LIMS4: variants seen among roughly 807,000 people sequenced by gnomAD.
LIMS4 encodes LIM and senescent cell antigen-like-containing domain protein 4.
the LIMS4 span, among the ~76,000 whole-genome samples, chr2:110,407,754 C>A: frequency 1.3e-5 from 1 of 78,748 alleles, no homozygotes; most frequent in Non-Finnish European, 2.4e-5. Context: ...GCCCAGGCAA[C>A]AAAGCAAGAC....
At chr2:110,372,753 G>A in the LIMS4 span, among the ~76,000 whole-genome samples, 324 of 148,860 alleles carry the variant, frequency 2.2e-3, 3 homozygotes, top group African/African-American at 8.1e-3. Context: ...TGAGCCACCT[G>A]CTTCTGCCTC....
chr2:110,366,943 AG>A, the LIMS4 span, among the ~76,000 whole-genome samples: 41 of 139,526 alleles, frequency 2.9e-4, no homozygotes, highest in Non-Finnish European at 5.5e-4. Context: ...AATTCACAAT[AG>A]ACACACACAC....
the LIMS4 span, among the ~76,000 whole-genome samples, chr2:110,397,785 A>C: frequency 3.9e-4 from 1 of 2,596 alleles, no homozygotes; most frequent in Non-Finnish European, 1.1e-3. Flanking sequence ...CAGTGGCAGG[A>C]CCTTAGTGAT....
chr2:110,361,803 C>G, the LIMS4 span: 1 of 779,996 alleles, frequency 1.3e-6, no homozygotes, highest in Admixed American at 2.0e-5. Flanking sequence ...ATTTTTGATT[C>G]TCCTATCTTG....
At chr2:110,392,473 T>G in the LIMS4 span, among the ~76,000 whole-genome samples, 1 of 150,048 alleles carries the variant, frequency 6.7e-6, no homozygotes, top group Admixed American at 6.6e-5. Flanking sequence ...AAACTTGCAG[T>G]AAAGTAAGTT....
chr2:110,396,071 G>A, the LIMS4 span, among the ~76,000 whole-genome samples: 2 of 130,238 alleles, frequency 1.5e-5, no homozygotes, highest in African/African-American at 3.4e-5. Context: ...GGTAAGGCAG[G>A]GCTGATGGGT....
At chr2:110,390,747 C>T in the LIMS4 span, among the ~76,000 whole-genome samples, 2 of 150,114 alleles carry the variant, frequency 1.3e-5, no homozygotes, top group East Asian at 2.0e-4. Flanking sequence ...GTCTTGATAC[C>T]CAAAGCACTT....
downstream of LIMS4, among the ~76,000 whole-genome samples, chr2:110,443,053 TTTTTC>T (rs1688169590): frequency 8.2e-6 from 1 of 121,784 alleles, no homozygotes. Flanking sequence ...GATGCTTTTT[TTTTTC>T]TTTTTCTTTT....
the LIMS4 span, among the ~76,000 whole-genome samples, chr2:110,378,795 A>G: frequency 0.014 from 1,628 of 113,724 alleles, 6 homozygotes; most frequent in East Asian, 0.019. Context: ...CAACTCATTC[A>G]GCTCAAATTC....
the LIMS4 span, among the ~76,000 whole-genome samples, chr2:110,390,355 G>T: frequency 7.5e-6 from 1 of 133,648 alleles, no homozygotes; most frequent in Non-Finnish European, 1.5e-5. Flanking sequence ...CCACCTCCCT[G>T]GATGTGGTGA....
At chr2:110,361,048 G>A in the LIMS4 span, 3 of 1,289,238 alleles carry the variant, frequency 2.3e-6, no homozygotes, top group South Asian at 3.7e-5. Flanking sequence ...TGGGAGGCCT[G>A]AACTCCAGAA....
At chr2:110,382,079 A>T in the LIMS4 span, among the ~76,000 whole-genome samples, 1 of 91,868 alleles carries the variant, frequency 1.1e-5, no homozygotes, top group Non-Finnish European at 2.0e-5. Context: ...AAAAAAAAAA[A>T]AAAAAAAAAA....
At chr2:110,385,465 A>G in the LIMS4 span, among the ~76,000 whole-genome samples, 1 of 130,950 alleles carries the variant, frequency 7.6e-6, no homozygotes, top group African/African-American at 3.5e-5. Flanking sequence ...ACGCAGAGGA[A>G]AGCAGCCTCT....
chr2:110,425,804 C>CA, the LIMS4 span, among the ~76,000 whole-genome samples: 9 of 137,612 alleles, frequency 6.5e-5, no homozygotes, highest in Admixed American at 6.4e-4. Flanking sequence ...AATTTGCTGA[C>CA]ACCTTTATTC....
the LIMS4 span, among the ~76,000 whole-genome samples, chr2:110,382,090 A>T: frequency 2.3e-3 from 225 of 98,920 alleles, no homozygotes; most frequent in Non-Finnish European, 3.4e-3. Flanking sequence ...AAAAAAAAAA[A>T]AAAAAAAAAT....
At chr2:110,453,540 AT>A (rs1461682865) in intron 5 of LIMS4, among the ~76,000 whole-genome samples, 119 of 122,344 alleles carry the variant, frequency 9.7e-4, no homozygotes, top group African/African-American at 4.1e-3. Flanking sequence ...AGTAAAGAAT[AT>A]TTTTTTAATT....
chr2:110,397,434 C>G, the LIMS4 span: 2 of 144,540 alleles, frequency 1.4e-5, no homozygotes, highest in Non-Finnish European at 3.0e-5. Flanking sequence ...TACACCATGG[C>G]CAGAAAGACA....
the LIMS4 span, among the ~76,000 whole-genome samples, chr2:110,392,063 TG>T: frequency 2.0e-5 from 3 of 151,940 alleles, no homozygotes; most frequent in South Asian, 6.2e-4. Flanking sequence ...CACAGCACAT[TG>T]ACTTTGCGAA....
the LIMS4 span, among the ~76,000 whole-genome samples, chr2:110,371,253 A>C: frequency 2.3e-5 from 3 of 127,926 alleles, no homozygotes; most frequent in South Asian, 4.8e-4. Context: ...AAAAAAAAAA[A>C]AACAAGTCTT....
Sources: allele counts gnomAD v4.1 joint callset (sites outside exome capture counted in the v4.1 genomes callset), GRCh38; gene constraint gnomAD v4.1.1; transcripts MANE v1.5; gene names NCBI Gene and HGNC (gene_info 2026-07-23, HGNC 2026-07-21).